The following USP35 variants were observed in gnomAD, a reference collection of about 807,000 sequenced individuals.
The protein encoded by USP35 is ubiquitin carboxyl-terminal hydrolase 35.
USP35 carries 69 observed loss-of-function variants against 83.8 expected under a neutral mutation model. The ratio of observed to expected loss-of-function variants is 0.82; its 90% CI spans 0.68 to 1.01. The LOEUF (loss-of-function observed/expected upper bound fraction) is 1.01. Among genes scored for constraint, USP35 ranks in the 50% least tolerant of loss-of-function variants. The probability of loss-of-function intolerance (pLI) is 0.00; values close to 1 mark genes in which losing one functional copy is unlikely to be tolerated. For missense variants in USP35, 1,503 were observed against 1,362.5 expected, an observed-to-expected ratio of 1.10 and a Z score of -1.62; for synonymous variants, 714 against 589.5, an observed-to-expected ratio of 1.21 and a Z score of -3.06.
intron 6 of USP35, among the ~76,000 whole-genome samples, chr11:78,204,061 T>G (rs1354757811): frequency 6.6e-6 from 1 of 151,210 alleles, no homozygotes; most frequent in Non-Finnish European, 1.5e-5. Flanking sequence ...CGGCTAATTT[T>G]TTGTATTTTT....
chr11:78,212,208 A>T (rs992223607), intron 10 of USP35, among the ~76,000 whole-genome samples: 1 of 152,152 alleles, frequency 6.6e-6, no homozygotes, highest in Non-Finnish European at 1.5e-5. Flanking sequence ...TCTTTTACCC[A>T]TTGCTTGTTT....
chr11:78,209,069 C>G, intron 9 of USP35, 106 bp downstream of exon 9: 1 of 1,180,722 alleles, frequency 8.5e-7, no homozygotes, highest in Non-Finnish European at 1.2e-6. Context: ...AGTGTGCTGC[C>G]TCCAACATGT....
the USP35 span, among the ~76,000 whole-genome samples, chr11:78,237,169 T>C: frequency 6.6e-6 from 1 of 152,234 alleles, no homozygotes; most frequent in Admixed American, 6.5e-5. Context: ...CATCTGGGCA[T>C]AGTTTTCTAG....
At chr11:78,216,066 A>C (rs1426147530), downstream of USP35, 2 of 152,654 alleles carry the variant, frequency 1.3e-5, no homozygotes, top group African/African-American at 4.8e-5. Context: ...ATCCCCCAGA[A>C]AGAAGTTACA....
intron 1 of USP35, among the ~76,000 whole-genome samples, chr11:78,195,050 G>A (rs1263651175): frequency 6.6e-6 from 1 of 152,188 alleles, no homozygotes; most frequent in Non-Finnish European, 1.5e-5. Context: ...GAGGGCACAC[G>A]GTGAGCCAAG....
chr11:78,190,957 C>T (rs758308883), intron 1 of USP35, among the ~76,000 whole-genome samples: 2 of 152,162 alleles, frequency 1.3e-5, no homozygotes, highest in South Asian at 2.1e-4. Context: ...CTTGCATGTC[C>T]GGCTCAGGAG....
At chr11:78,222,048 A>G in the USP35 span, 1 of 1,091,220 alleles carries the variant, frequency 9.2e-7, no homozygotes, top group Non-Finnish European at 1.4e-6. Context: ...CTACCACATC[A>G]CTCATTTTCC....
In USP35 at chr11:78,207,577, T is replaced by A; in HGVS notation, c.1439T>A (p.Leu480Gln). The change falls in exon 8 of 11, where the codon CTG (leucine) becomes CAG (glutamine). Residue 480 changes from leucine (L) to glutamine (Q), a missense_variant. Coordinates refer to ENST00000529308, the MANE Select transcript of USP35 (RefSeq NM_020798.4). ...TTGACTGAGAACAACTCACAGCCCC[T>A]GATGACCAAGCTGCAGTGGCTCTTT... ...LRLTENNSQP[L>Q]MTKLQWLFGF... 3 of 1,614,184 alleles carry A rather than the reference T, an allele frequency of 1.9e-6. No individual in the cohort carries two copies. Among genetic ancestry groups the A allele is most frequent in the Non-Finnish European group, 2.5e-6 (3 of 1,180,012 alleles).
At chr11:78,194,738 A>G (rs1863092947) in intron 1 of USP35, among the ~76,000 whole-genome samples, 1 of 152,094 alleles carries the variant, frequency 6.6e-6, no homozygotes, top group Admixed American at 6.5e-5. Flanking sequence ...GATGACTCAC[A>G]CTGCACCCTG....
At chr11:78,191,092 G>A (rs1235570339) in intron 1 of USP35, among the ~76,000 whole-genome samples, 1 of 152,222 alleles carries the variant, frequency 6.6e-6, no homozygotes, top group Non-Finnish European at 1.5e-5. Context: ...AGAGACCAAG[G>A]AGGGATGATG....
chr11:78,215,831 G>C (rs1166360513), downstream of USP35: 1 of 152,672 alleles, frequency 6.5e-6, no homozygotes, highest in Non-Finnish European at 1.5e-5. Flanking sequence ...ATTTTATGAA[G>C]GCCCAGATGG....
the USP35 span, among the ~76,000 whole-genome samples, chr11:78,220,708 G>C: frequency 4.4e-3 from 668 of 152,272 alleles, 3 homozygotes; most frequent in African/African-American, 0.015. Flanking sequence ...TGGCTGCACA[G>C]CTGTTGAGTG....
chr11:78,223,421 C>G, the USP35 span: 1 of 1,525,002 alleles, frequency 6.6e-7, no homozygotes, highest in Non-Finnish European at 8.8e-7. Flanking sequence ...CCTTTCCGAT[C>G]AGGTTTGAGG....
At chr11:78,232,933 T>C in the USP35 span, among the ~76,000 whole-genome samples, 1 of 152,212 alleles carries the variant, frequency 6.6e-6, no homozygotes, top group African/African-American at 2.4e-5. Context: ...TTGTAAACTT[T>C]AAAGCATCAT....
At chr11:78,211,331 A>C (rs1165149414) in intron 10 of USP35, among the ~76,000 whole-genome samples, 1 of 151,996 alleles carries the variant, frequency 6.6e-6, no homozygotes, top group Non-Finnish European at 1.5e-5. Flanking sequence ...TATGTGCCAC[A>C]TTTTCTTTAT....
At chr11:78,201,335 A>G (rs754011709) in intron 6 of USP35, among the ~76,000 whole-genome samples, 1 of 152,200 alleles carries the variant, frequency 6.6e-6, no homozygotes, top group Admixed American at 6.5e-5. Flanking sequence ...AGTCGTTCAC[A>G]TGACTTTACT....
intron 10 of USP35, 114 bp downstream of exon 10, chr11:78,210,858 C>T (rs1863745433): frequency 1.7e-6 from 2 of 1,182,192 alleles, no homozygotes; most frequent in Non-Finnish European, 2.3e-6. Context: ...TCCCATTCAT[C>T]TGTTGCTCAG....
At chr11:78,208,004 A>G (rs1863586805) in intron 8 of USP35, among the ~76,000 whole-genome samples, 1 of 152,222 alleles carries the variant, frequency 6.6e-6, no homozygotes, top group African/African-American at 2.4e-5. Context: ...GTGTCTGGTG[A>G]CGGCCTTCTT....
chr11:78,226,658 G>A, the USP35 span: 3 of 1,613,954 alleles, frequency 1.9e-6, no homozygotes, highest in Non-Finnish European at 2.5e-6. Flanking sequence ...CCACTGTCAT[G>A]GCATTGTGGT....
Sources: gnomAD v4.1 joint callset for allele counts (sites outside exome capture counted in the v4.1 genomes callset) on GRCh38, gnomAD v4.1.1 for gene constraint, MANE v1.5 for transcripts, NCBI Gene and HGNC (gene_info 2026-07-23, HGNC 2026-07-21) for gene names.